Variants in DAAM1 observed in about 807,000 individuals in gnomAD.
The protein encoded by DAAM1 is disheveled-associated activator of morphogenesis 1.
In DAAM1, 52 loss-of-function variants were observed where a neutral mutation model predicts 130.0. That is an observed-to-expected ratio of 0.40 (90% CI 0.32 to 0.50). The LOEUF (loss-of-function observed/expected upper bound fraction) is 0.50. Ranked by LOEUF, DAAM1 falls within the 20% of genes least tolerant of loss-of-function variation. DAAM1 has a pLI of 0.61. For synonymous variants in DAAM1, 452 were observed against 444.5 expected, an observed-to-expected ratio of 1.02 and a Z score of -0.21; for missense variants, 1,134 against 1,303.8, an observed-to-expected ratio of 0.87 and a Z score of 2.01.
chr14:59,297,452 T>C (rs1883996780), intron 3 of DAAM1, among the ~76,000 whole-genome samples: 1 of 152,202 alleles, frequency 6.6e-6, no homozygotes, highest in Admixed American at 6.5e-5. Context: ...GGAGGATAGC[T>C]ACACTATAGC....
chr14:59,346,113 A>G (rs1886068702), intron 16 of DAAM1, among the ~76,000 whole-genome samples: 1 of 133,392 alleles, frequency 7.5e-6, no homozygotes, highest in Non-Finnish European at 1.6e-5. Context: ...TCATGTGCAC[A>G]CATACAAACA....
intron 3 of DAAM1, among the ~76,000 whole-genome samples, chr14:59,313,590 A>G (rs1463001320): frequency 6.6e-6 from 1 of 152,086 alleles, no homozygotes; most frequent in African/African-American, 2.4e-5. Flanking sequence ...TAGTTTTGGA[A>G]ATTTGCCCTA....
rs374520530 is a variant in DAAM1, at chr14:59,352,706, G to T, written c.2267+74G>T. On this transcript the variant is annotated intron_variant, in intron 18 of 24. Coordinates refer to ENST00000360909, the MANE Select transcript of DAAM1 (RefSeq NM_001270520.2). ...GCTTCATGAATTTTCAATTCATGTT[G>T]AATTGTTTGGGCCAATTAACCTGGC... The T allele has an allele frequency of 1.5e-5, 20 of 1,353,940 alleles. No individual in the cohort carries two copies. The African/African-American group carries it at 2.6e-4, about 18-fold the overall frequency. 83.9% of individuals were successfully genotyped at this position (1,353,940 alleles called of 1,614,324 possible).
chr14:59,216,723 A>AG (rs1888592990), intron 1 of DAAM1, among the ~76,000 whole-genome samples: 1 of 152,116 alleles, frequency 6.6e-6, no homozygotes, highest in Non-Finnish European at 1.5e-5. Flanking sequence ...CTGTCTCAAA[A>AG]GAAAAAAAAA....
chr14:59,366,988 CA>C (rs1327907971), intron 23 of DAAM1, among the ~76,000 whole-genome samples: 1 of 145,908 alleles, frequency 6.9e-6, no homozygotes, highest in African/African-American at 2.5e-5. Context: ...TCTCTTAAAA[CA>C]AAACAACAAA....
intron 17 of DAAM1, among the ~76,000 whole-genome samples, chr14:59,348,102 C>T (rs575567225): frequency 3.3e-5 from 5 of 152,336 alleles, no homozygotes; most frequent in African/African-American, 1.2e-4. Flanking sequence ...AATACACATA[C>T]GTGTCACAAG....
chr14:59,190,683 C>T (rs1887705331), intron 1 of DAAM1, among the ~76,000 whole-genome samples: 1 of 152,180 alleles, frequency 6.6e-6, no homozygotes, highest in African/African-American at 2.4e-5. Context: ...TGGGATTAAC[C>T]CTTTACCTCT....
intron 1 of DAAM1, among the ~76,000 whole-genome samples, chr14:59,218,837 A>C (rs1357711755): frequency 6.6e-6 from 1 of 152,180 alleles, no homozygotes; most frequent in Non-Finnish European, 1.5e-5. Context: ...ACAAGTTATA[A>C]ATTTATAAAT....
intron 20 of DAAM1, among the ~76,000 whole-genome samples, chr14:59,356,140 A>G (rs977271491): frequency 5.3e-5 from 8 of 152,184 alleles, no homozygotes; most frequent in African/African-American, 1.9e-4. Flanking sequence ...CTTCAAAGGA[A>G]CTTGCACAAT....
In DAAM1 at chr14:59,313,169, A is replaced by G. The variant is rs1463568402; in HGVS notation, c.274-2111A>G. On this transcript the variant is annotated intron_variant, in intron 3 of 24. Transcript: ENST00000360909. ...TCTTAATGCCTCACAAAGGAGGAGG[A>G]GAGAGAGTTTTGGTTCAGAGATGGG... Among the ~76,000 whole-genome samples the G allele has an allele frequency of 1.3e-5, 2 of 152,168 alleles. 1 individual carries two copies. The highest frequency in any genetic ancestry group is 3.8e-4 in the East Asian group (2 of 5,202).
intron 1 of DAAM1, among the ~76,000 whole-genome samples, chr14:59,218,697 T>C (rs980944743): frequency 6.6e-5 from 10 of 152,228 alleles, no homozygotes; most frequent in South Asian, 2.1e-4. Flanking sequence ...TTTCATCTTA[T>C]GTAGGCTTTG....
chr14:59,360,573 T>A, intron 21 of DAAM1: 1 of 345,380 alleles, frequency 2.9e-6, no homozygotes, highest in Non-Finnish European at 5.2e-6. Context: ...TATTCTATTT[T>A]TAACCTGTAA....
chr14:59,268,154 G>C (rs12884199), intron 2 of DAAM1, among the ~76,000 whole-genome samples: 20,598 of 152,066 alleles, frequency 0.14, 1,805 homozygotes, highest in East Asian at 0.32. Flanking sequence ...GCCCACCTCA[G>C]CCTCCCAAAG....
At chr14:59,208,829 G>T (rs1287411982) in intron 1 of DAAM1, among the ~76,000 whole-genome samples, 2 of 152,110 alleles carry the variant, frequency 1.3e-5, no homozygotes, top group Non-Finnish European at 2.9e-5. Flanking sequence ...TTCTCGCTCA[G>T]TTCAGGCAGG....
At chr14:59,293,841 C>T (rs368166409) in intron 3 of DAAM1, among the ~76,000 whole-genome samples, 18 of 152,296 alleles carry the variant, frequency 1.2e-4, no homozygotes, top group Middle Eastern at 3.4e-3. Context: ...ATTATGTTTA[C>T]CTCTCTTCAG....
At chr14:59,303,045 G>A (rs1258591143) in intron 3 of DAAM1, among the ~76,000 whole-genome samples, 1 of 152,186 alleles carries the variant, frequency 6.6e-6, no homozygotes, top group Non-Finnish European at 1.5e-5. Flanking sequence ...AGGAGTCCGT[G>A]ACTATCTTTG....
At chr14:59,203,158 A>ATTTTTTTTTTTTTTTTTT (rs57437992) in intron 1 of DAAM1, among the ~76,000 whole-genome samples, 3 of 108,116 alleles carry the variant, frequency 2.8e-5, no homozygotes, top group African/African-American at 3.4e-5. Flanking sequence ...CTTCTGGCTA[A>ATTTTTTTTTTTTTTTTTT]TTTTTTTTTT....
In DAAM1 at chr14:59,189,959, G is replaced by C. The variant is rs75579717; in HGVS notation, c.-38+1191G>C. Among the ~76,000 whole-genome samples the C allele has an allele frequency of 5.5e-3, 838 of 152,244 alleles. 8 individuals are homozygous for C. The highest frequency in any genetic ancestry group is 0.019 in the African/African-American group (788 of 41,544). ...GAGCAAATGCCACCGTGACCGTTTT[G>C]CTGGTAGTTTCTTGAGATTCGAGCA... On this transcript the variant is annotated intron_variant, in intron 1 of 24. Transcript: ENST00000360909.
chr14:59,207,912 T>A (rs1888312246), intron 1 of DAAM1, among the ~76,000 whole-genome samples: 1 of 152,184 alleles, frequency 6.6e-6, no homozygotes, highest in African/African-American at 2.4e-5. Flanking sequence ...GCATGGGGAA[T>A]TTTCAAGGCC....
Sources: gnomAD v4.1 joint callset for allele counts (sites outside exome capture counted in the v4.1 genomes callset) on GRCh38, gnomAD v4.1.1 for gene constraint, MANE v1.5 for transcripts, NCBI Gene and HGNC (gene_info 2026-07-23, HGNC 2026-07-21) for gene names.